The following CMYA5 variants were observed in gnomAD, a reference collection of about 807,000 sequenced individuals.
The protein encoded by CMYA5 is cardiomyopathy associated 5, also known as cardiomyopathy-associated protein 5.
CMYA5 carries 246 observed loss-of-function variants against 318.9 expected under a neutral mutation model. The ratio of observed to expected loss-of-function variants is 0.77; its 90% confidence interval spans 0.70 to 0.86. The LOEUF is 0.86. Ranked by LOEUF, CMYA5 falls within the 40% of genes least tolerant of loss-of-function variation. The pLI is 0.00. For synonymous variants in CMYA5, 1,641 were observed against 1,729.5 expected (o/e 0.95, Z 1.27); for missense variants, 4,589 against 4,678.2 (o/e 0.98, Z 0.56).
intron 6 of CMYA5, among the ~76,000 whole-genome samples, chr5:79,757,696 A>G (rs551396198): frequency 2.7e-4 from 41 of 152,350 alleles, no homozygotes; most frequent in African/African-American, 9.9e-4. Context: ...TTGATACAGA[A>G]TGATACAACC....
In CMYA5 at chr5:79,738,758, G is replaced by A. The variant is rs538116273; in HGVS notation, c.9993G>A (p.Val3331=). ...KKAPITEDVR[V]ATQKISYAVP... The stretch of plus-strand genomic sequence containing the variant: ...CTCCCATCACAGAGGACGTCAGAGT[G>A]GCTACCCAGAAAATAAGTTATGCGG... The change falls in exon 2 of 13, where the codon GTG becomes GTA. Residue 3331 remains valine, a synonymous_variant. Transcript: ENST00000446378. The A allele has an allele frequency of 6.2e-7, 1 of 1,613,934 alleles. No homozygotes were observed. Among genetic ancestry groups the A allele is most frequent in the East Asian group, 2.2e-5 (1 of 44,876 alleles).
rs1447638988 is a variant in CMYA5 at position 79,739,389 on chromosome 5, A to G, written c.10624A>G (p.Ile3542Val). 5.2e-6 allele frequency: 8 copies of G among 1,537,124 alleles called. No individual in the cohort carries two copies. The highest frequency in any genetic ancestry group is 1.2e-5 in the South Asian group (1 of 81,302). The change falls in exon 2 of 13, where the codon ATA becomes GTA. Residue 3542 changes from isoleucine to valine, a missense_variant. Physicochemically the swap from Ile to Val is conservative, Grantham distance 29. Coordinates refer to ENST00000446378, the MANE Select transcript of CMYA5 (RefSeq NM_153610.5). ...TGAAGTTTCAACGCTTGACACAGCTATAAGTGCTGTAAAGGTAAATAGATG... is the reference window on the plus strand; with the variant it reads ...TGAAGTTTCAACGCTTGACACAGCTGTAAGTGCTGTAAAGGTAAATAGATG... The part of the protein sequence containing the change: ...DHEVSTLDTA[I>V]SAVKVQLAEF...
At chr5:79,789,973 C>T (rs557032247) in intron 10 of CMYA5, among the ~76,000 whole-genome samples, 1 of 152,196 alleles carries the variant, frequency 6.6e-6, no homozygotes, top group Admixed American at 6.5e-5. Context: ...ATGATGCCAA[C>T]AAAAAATGTT....
Position 79,737,069 on chromosome 5 carries a change from G to A in CMYA5, c.8304G>A (p.Glu2768=), listed in dbSNP as rs775187000. The A allele has an allele frequency of 2.5e-5, 40 of 1,613,580 alleles. No homozygotes were observed. The highest frequency in any genetic ancestry group is 3.2e-5 in the Non-Finnish European group (38 of 1,179,800). The change falls in exon 2 of 13, where the codon GAG becomes GAA. Residue 2768 remains glutamate (E), a synonymous_variant. Transcript: ENST00000446378. The part of the protein sequence containing the change: ...SEEKEQFKES[E]LWKGGSVDIT... ...AAAAAGAACAGTTCAAAGAGTCAGA[G>A]CTATGGAAAGGTGGTTCAGTAGATA...
At chr5:79,713,300 C>A (rs1442619463) in intron 1 of CMYA5, among the ~76,000 whole-genome samples, 1 of 115,392 alleles carries the variant, frequency 8.7e-6, no homozygotes, top group Non-Finnish European at 1.7e-5. Flanking sequence ...GCACCCCGCC[C>A]CCACCCCCCA....
chr5:79,757,087 A>G (rs551055294), intron 6 of CMYA5, among the ~76,000 whole-genome samples: 11 of 151,040 alleles, frequency 7.3e-5, no homozygotes, highest in African/African-American at 2.4e-4. Flanking sequence ...CCCAGCTACT[A>G]GGGAGGCTCA....
At chr5:79,690,511 T>C (rs1164223051) in intron 1 of CMYA5, among the ~76,000 whole-genome samples, 1 of 152,080 alleles carries the variant, frequency 6.6e-6, no homozygotes, top group Non-Finnish European at 1.5e-5. Context: ...GTGACCTTAT[T>C]TTGATACAAA....
chr5:79,745,125 A>T, intron 3 of CMYA5, 97 bp from the exon 4 acceptor site: 3 of 716,100 alleles, frequency 4.2e-6, no homozygotes, highest in Non-Finnish European at 4.7e-6. Context: ...AGGATGCCAG[A>T]GGTCAATTCT....
chr5:79,751,588 C>G (rs1183496842), intron 5 of CMYA5, among the ~76,000 whole-genome samples: 9 of 152,132 alleles, frequency 5.9e-5, no homozygotes, highest in Non-Finnish European at 1.3e-4. Context: ...CATAAATCCA[C>G]CATCACTGAG....
In CMYA5 at chr5:79,733,547, G is replaced by A. The variant is rs372413104; in HGVS notation, c.4782G>A (p.Pro1594=). The A allele has an allele frequency of 3.6e-5, 58 of 1,613,732 alleles. 1 individual carries two copies. The highest frequency in any genetic ancestry group is 1.3e-4 in the Admixed American group (8 of 59,976). ...LLLLSDDKNK[P]AVEVSSTAQG... ...TCCTCAGTGATGATAAGAACAAACC[G>A]GCAGTGGAGGTATCTTCTACAGCTC... Residue 1594 remains proline (P), a synonymous_variant, in exon 2 of 13, where the codon CCG becomes CCA. Transcript: ENST00000446378.
At chr5:79,784,689 G>C (rs369945172) in intron 9 of CMYA5, among the ~76,000 whole-genome samples, 1 of 129,884 alleles carries the variant, frequency 7.7e-6, no homozygotes, top group Non-Finnish European at 1.6e-5. Flanking sequence ...TTCCAGGTGC[G>C]TCCGTCACCC....
intron 1 of CMYA5, among the ~76,000 whole-genome samples, chr5:79,702,112 G>C (rs72768871): frequency 0.082 from 12,502 of 151,748 alleles, 597 homozygotes; most frequent in East Asian, 0.16. Flanking sequence ...TCAATAAAAA[G>C]AGATAAAGAA....
chr5:79,734,276 T>A lies in CMYA5; in HGVS notation c.5511T>A (p.Pro1837=). 1 of 1,613,444 alleles carries A rather than the reference T, an allele frequency of 6.2e-7. No individual in the cohort carries two copies. Among genetic ancestry groups the A allele is most frequent in the Non-Finnish European group, 8.5e-7 (1 of 1,179,714 alleles). ...ATTCAGATCAAACTGTTAAATTACC[T>A]GATGTAAGCACCTCTTCTGAAGATA... ...ALHSDQTVKL[P]DVSTSSEDKQ... is the part of the protein sequence containing the mutation. Residue 1837 remains proline (P), a synonymous_variant, in exon 2 of 13, where the codon CCT becomes CCA. Coordinates refer to ENST00000446378, the MANE Select transcript of CMYA5 (RefSeq NM_153610.5).
chr5:79,706,879 A>G (rs574101805), intron 1 of CMYA5, among the ~76,000 whole-genome samples: 121 of 152,286 alleles, frequency 7.9e-4, no homozygotes, highest in African/African-American at 2.8e-3. Context: ...CCTACACTGA[A>G]CATGAGTTGT....
Position 79,739,058 on chromosome 5 carries a change from G to C in CMYA5, c.10293G>C (p.Val3431=), listed in dbSNP as rs765636065. 2.5e-6 allele frequency: 4 copies of C among 1,613,824 alleles called. No individual in the cohort carries two copies. The highest frequency in any genetic ancestry group is 3.4e-6 in the Non-Finnish European group (4 of 1,179,854). Residue 3431 remains valine, a synonymous_variant, in exon 2 of 13, where the codon GTG becomes GTC. Coordinates refer to ENST00000446378, the MANE Select transcript of CMYA5 (RefSeq NM_153610.5). ...TTACAGAATCCCTGCATAATGAAGT[G>C]GTTCCTCAAGACATATTATCAGAAG... ...YEFTESLHNE[V]VPQDILSEEL...
chr5:79,789,172 A>T, intron 10 of CMYA5, 68 bp downstream of exon 10: 1 of 1,577,538 alleles, frequency 6.3e-7, no homozygotes, highest in Non-Finnish European at 8.6e-7. Flanking sequence ...CTCAGAGAAG[A>T]TGTCCTAGAG....
At chr5:79,786,976 A>G (rs1050461045) in intron 9 of CMYA5, among the ~76,000 whole-genome samples, 2 of 152,188 alleles carry the variant, frequency 1.3e-5, no homozygotes, top group African/African-American at 4.8e-5. Flanking sequence ...CGGATCCCAT[A>G]TTTTGACTTC....
At chr5:79,793,849 G>A (rs1365697413) in intron 12 of CMYA5, among the ~76,000 whole-genome samples, 1 of 152,226 alleles carries the variant, frequency 6.6e-6, no homozygotes, top group Admixed American at 6.5e-5. Flanking sequence ...ACCCTATTAT[G>A]AGGCAGACTT....
chr5:79,712,172 A>G (rs1262898725), intron 1 of CMYA5, among the ~76,000 whole-genome samples: 1 of 152,208 alleles, frequency 6.6e-6, no homozygotes, highest in Non-Finnish European at 1.5e-5. Context: ...TCCCAGGAGC[A>G]TCTGCTGGAG....
Sources: gnomAD v4.1 joint callset for allele counts (sites outside exome capture counted in the v4.1 genomes callset) on GRCh38, gnomAD v4.1.1 for gene constraint, MANE v1.5 for transcripts, NCBI Gene and HGNC (gene_info 2026-07-23, HGNC 2026-07-21) for gene names.